Variants in EIF2D observed in about 807,000 individuals in gnomAD.
EIF2D encodes the protein eukaryotic translation initiation factor 2D, also known as hepatocellular carcinoma-associated antigen 56.
In EIF2D, 56 loss-of-function variants were observed where a neutral mutation model predicts 77.4. The ratio of observed to expected loss-of-function variants is 0.72; its 90% CI spans 0.58 to 0.90. The LOEUF is 0.90. Among genes scored for constraint, EIF2D ranks in the 40% least tolerant of loss-of-function variants. The pLI, the probability that EIF2D is intolerant of heterozygous loss-of-function variation, is 0.00. For synonymous variants in EIF2D, 230 were observed against 271.0 expected (o/e 0.85, Z 1.49); for missense variants, 574 against 706.5 (o/e 0.81, Z 2.13).
At chr1:206,600,601 G>A (rs1311727308) in intron 7 of EIF2D, 4 of 337,982 alleles carry the variant, frequency 1.2e-5, no homozygotes, top group Non-Finnish European at 2.1e-5. Flanking sequence ...TGACTAATGT[G>A]ACCAAGGGAA....
intron 4 of EIF2D, 54 bp downstream of exon 4, chr1:206,608,182 A>G: frequency 6.5e-7 from 1 of 1,544,720 alleles, no homozygotes; most frequent in Non-Finnish European, 8.9e-7. Flanking sequence ...TTCCCCTCCA[A>G]CTTCTCTTTT....
At chr1:206,596,999 G>GA in intron 12 of EIF2D, 101 bp downstream of exon 12, 1 of 893,016 alleles carries the variant, frequency 1.1e-6, no homozygotes, top group Non-Finnish European at 1.8e-6. Flanking sequence ...ATTACAGAAA[G>GA]AAAATCAAAG....
intron 12 of EIF2D, 126 bp downstream of exon 12, chr1:206,596,974 A>C (rs1669677511): frequency 4.2e-6 from 3 of 707,548 alleles, no homozygotes; most frequent in African/African-American, 3.6e-5. Context: ...GTTTATGTAG[A>C]CTGACTTGGT....
At chr1:206,583,353 GAGA>G (rs781906842) in intron 2 of EIF2D, 25 of 1,613,366 alleles carry the variant, frequency 1.5e-5, no homozygotes, top group Middle Eastern at 3.3e-4. Flanking sequence ...CAACACGCGA[GAGA>G]AGAACTGCCT....
intron 5 of EIF2D, among the ~76,000 whole-genome samples, chr1:206,603,830 C>A (rs1670050979): frequency 6.6e-6 from 1 of 152,176 alleles, no homozygotes; most frequent in South Asian, 2.1e-4. Context: ...TTATCTTAGC[C>A]AACATTATGC....
intron 4 of EIF2D, among the ~76,000 whole-genome samples, chr1:206,577,713 C>T (rs919548471): frequency 6.6e-6 from 1 of 152,202 alleles, no homozygotes; most frequent in Non-Finnish European, 1.5e-5. Flanking sequence ...AATGGAAATC[C>T]AAGGCTCACT....
chr1:206,610,665 C>CA (rs1208818067), intron 2 of EIF2D, among the ~76,000 whole-genome samples: 3 of 151,974 alleles, frequency 2.0e-5, no homozygotes, highest in Admixed American at 6.6e-5. Flanking sequence ...CTAAAAAATG[C>CA]AAAAAATTAG....
chr1:206,609,112 T>C (rs1670344714), intron 3 of EIF2D, among the ~76,000 whole-genome samples: 1 of 152,158 alleles, frequency 6.6e-6, no homozygotes, highest in Admixed American at 6.6e-5. Flanking sequence ...TGTCCTAGTT[T>C]CCTAAATTCA....
chr1:206,604,899 G>A (rs41304085), intron 5 of EIF2D: 4,598 of 152,266 alleles, frequency 0.03, 103 homozygotes, highest in Admixed American at 0.045. Context: ...GAACAGGTAC[G>A]CGTCTCAAGA....
At chr1:206,609,237 T>C in intron 3 of EIF2D, 139 bp downstream of exon 3, 1 of 757,448 alleles carries the variant, frequency 1.3e-6, no homozygotes. Flanking sequence ...ACCAGCCAAG[T>C]GAGAAACATA....
downstream of EIF2D, among the ~76,000 whole-genome samples, chr1:206,590,906 A>G (rs1178051545): frequency 6.6e-6 from 1 of 152,198 alleles, no homozygotes; most frequent in Non-Finnish European, 1.5e-5. Flanking sequence ...AGTCAGTGAA[A>G]TGATTCCATA....
Position 206,608,247 on chromosome 1 carries a change from C to G in EIF2D, c.411G>C (p.Leu137Phe), listed in dbSNP as rs782301117. The change falls in exon 4 of 15, where the codon TTG becomes TTC. Residue 137 changes from leucine to phenylalanine, a missense_variant. Coordinates refer to ENST00000271764, the MANE Select transcript of EIF2D (RefSeq NM_006893.3). ...GCCTGGCACAGTACCTGTTCCCCAC[C>G]AAAGAAATGGCACAGAGGTCGCCCT... The part of the protein sequence containing the change: ...VQKGDLCAIS[L>F]VGNRAPVAIG... 6.2e-7 allele frequency: 1 copy of G among 1,613,440 alleles called. No homozygotes were observed. Among genetic ancestry groups the G allele is most frequent in the Admixed American group, 1.7e-5 (1 of 59,946 alleles).
chr1:206,598,199 G>A (rs188870092), intron 11 of EIF2D, among the ~76,000 whole-genome samples: 164 of 151,948 alleles, frequency 1.1e-3, no homozygotes, highest in African/African-American at 3.7e-3. Context: ...TACCATGCCC[G>A]GCTAATTTTT....
In EIF2D at chr1:206,599,353, A is replaced by AC; in HGVS notation, c.1202+109dup. The AC allele has an allele frequency of 7.1e-7, 1 of 1,408,156 alleles. No homozygotes were observed. 87.2% of individuals were successfully genotyped at this position (1,408,156 alleles called of 1,614,324 possible). A position where few individuals can be genotyped will look rare whatever the true frequency, so the allele number is the denominator to read the frequency against. On this transcript the variant is annotated intron_variant, in intron 10 of 14. Transcript: ENST00000271764. The surrounding 1 kb of genome is among the most constrained non-coding windows in gnomAD (Gnocchi z 4.1). Reference sequence around the variant, plus strand: ...AAGCTGGATTTTGGAGAAGGGGAGAACAGGGGCAGAGCAGGTTTTGCCAGT... The same window carrying AC: ...AAGCTGGATTTTGGAGAAGGGGAGAACCAGGGGCAGAGCAGGTTTTGCCAGT...
chr1:206,582,031 G>A (rs551398431), intron 2 of EIF2D, among the ~76,000 whole-genome samples: 96 of 152,294 alleles, frequency 6.3e-4, no homozygotes, highest in Admixed American at 1.7e-3. Flanking sequence ...TACCAAAGGA[G>A]AATCCTGATC....
At chr1:206,611,932 C>A (rs1214769792) in intron 1 of EIF2D, among the ~76,000 whole-genome samples, 1 of 152,168 alleles carries the variant, frequency 6.6e-6, no homozygotes, top group Admixed American at 6.5e-5. Context: ...ACTTTTAATT[C>A]TTGGTATCCC....
intron 12 of EIF2D, 81 bp from the exon 13 acceptor site, chr1:206,595,919 G>A: frequency 6.4e-7 from 1 of 1,563,248 alleles, no homozygotes. Flanking sequence ...CAGGCAGTTA[G>A]GTGTAGGCTG....
rs1553405827 is a variant in EIF2D, at chr1:206,579,519, C to G, written c.*254+1173G>C. Among the ~76,000 whole-genome samples the G allele has an allele frequency of 6.6e-6, 1 of 152,098 alleles. No homozygotes were observed. The highest frequency in any genetic ancestry group is 2.4e-5 in the African/African-American group (1 of 41,414). ...TGGCAGATAGTGCCTGTTAGGTAAACCTTTGGGGTGTTTGTGTGTTTCTTG... is the reference window on the plus strand; with the variant it reads ...TGGCAGATAGTGCCTGTTAGGTAAAGCTTTGGGGTGTTTGTGTGTTTCTTG... On this transcript the variant is annotated intron_variant and NMD_transcript_variant, in intron 4 of 5. Transcript: ENST00000472709. The surrounding 1 kb of genome is among the most constrained non-coding windows in gnomAD (Gnocchi z 4.2).
rs1245422648 is a variant in EIF2D, at chr1:206,592,962, C to T, written c.1684+657G>A. ...ACTAAAAATACAAAAATTAGCTGGCCGTGGTGGCATGCGCCTATAATCCCA... is the reference window on the plus strand; with the variant it reads ...ACTAAAAATACAAAAATTAGCTGGCTGTGGTGGCATGCGCCTATAATCCCA... On this transcript the variant is annotated intron_variant, in intron 14 of 14. Coordinates refer to ENST00000271764, the MANE Select transcript of EIF2D (RefSeq NM_006893.3). This position sits in a 1 kb window ranked among gnomAD's most constrained non-coding sequence, Gnocchi z 4.7. Among the ~76,000 whole-genome samples the T allele has an allele frequency of 1.3e-5, 2 of 151,996 alleles. No individual in the cohort carries two copies. Among genetic ancestry groups the T allele is most frequent in the Non-Finnish European group, 2.9e-5 (2 of 67,972 alleles).
Sources: allele counts gnomAD v4.1 joint callset (sites outside exome capture counted in the v4.1 genomes callset), GRCh38; gene constraint gnomAD v4.1.1; non-coding constraint Gnocchi (gnomAD v3.1); transcripts MANE v1.5; gene names NCBI Gene and HGNC (gene_info 2026-07-23, HGNC 2026-07-21).